ATG2B: variants seen among roughly 807,000 people sequenced by gnomAD.
The protein encoded by ATG2B is autophagy-related protein 2 homolog B.
A neutral mutation model predicts 241.3 loss-of-function variants in ATG2B; 121 were observed. The ratio of observed to expected loss-of-function variants is 0.50; its 90% CI spans 0.43 to 0.58. ATG2B has a LOEUF of 0.58. Ranked by LOEUF, ATG2B falls within the 20% of genes least tolerant of loss-of-function variation. ATG2B has a pLI of 0.00. For missense variants in ATG2B, 2,306 were observed against 2,491.6 expected (o/e 0.93, Z 1.59); for synonymous variants, 858 against 876.6 (o/e 0.98, Z 0.37).
chr14:96,289,720 C>G lies in ATG2B; in HGVS notation c.5942G>C (p.Arg1981Pro). 6.2e-7 allele frequency: 1 copy of G among 1,614,180 alleles called. No homozygotes were observed. The highest frequency in any genetic ancestry group is 8.5e-7 in the Non-Finnish European group (1 of 1,180,024). ...CAGGTCTACTGGCTGGTGGGCTAAC[C>G]GGTGATGAGGAAACCTTTTGGTCTT... ...PKKTKRFPHH[R>P]LAHQPVDLRE... The change falls in exon 41 of 42, where the codon CGG (arginine) becomes CCG (proline). Residue 1981 changes from arginine (R) to proline (P), a missense_variant. Around this residue, in one of 2 missense-constraint regions of ATG2B, gnomAD observed 379 missense variants for 480.4 expected, o/e 0.79. Coordinates refer to ENST00000359933, the MANE Select transcript of ATG2B (RefSeq NM_018036.7). This position sits in a 1 kb window ranked among gnomAD's most constrained non-coding sequence, Gnocchi z 4.3.
intron 41 of ATG2B, among the ~76,000 whole-genome samples, chr14:96,287,253 C>CAA (rs34710412): frequency 0.3 from 23,541 of 78,140 alleles, 5,481 homozygotes; most frequent in African/African-American, 0.63. Context: ...GACTCCGTCT[C>CAA]AAAAAAAAAA....
intron 19 of ATG2B, 25 bp downstream of exon 19, chr14:96,317,673 T>A: frequency 3.9e-6 from 6 of 1,542,660 alleles, no homozygotes; most frequent in Non-Finnish European, 5.3e-6. Flanking sequence ...GCATTTTAAA[T>A]CAAAACAAAT....
In ATG2B at chr14:96,303,054, C is replaced by G; in HGVS notation, c.5037+7G>C. 1 of 1,563,086 alleles carries G rather than the reference C, an allele frequency of 6.4e-7. No homozygotes were observed. The highest frequency in any genetic ancestry group is 8.7e-7 in the Non-Finnish European group (1 of 1,151,592). On this transcript the variant is annotated splice_region_variant and intron_variant, in intron 33 of 41. Coordinates refer to ENST00000359933, the MANE Select transcript of ATG2B (RefSeq NM_018036.7). ...TAACATAACACAACGATGAGGTTAACTCTTACCATGTTGGAGTGAGCTTTT... is the reference window on the plus strand; with the variant it reads ...TAACATAACACAACGATGAGGTTAAGTCTTACCATGTTGGAGTGAGCTTTT...
intron 14 of ATG2B, among the ~76,000 whole-genome samples, chr14:96,327,229 TCAATAA>T (rs1887609236): frequency 5.1e-5 from 1 of 19,650 alleles, no homozygotes; most frequent in African/African-American, 1.9e-4. Context: ...GATGTCTGTC[TCAATAA>T]TAATAATAAT....
intron 17 of ATG2B, 54 bp downstream of exon 17, chr14:96,322,486 C>A: frequency 6.5e-7 from 1 of 1,529,590 alleles, no homozygotes; most frequent in East Asian, 2.3e-5. Context: ...AAAAGCATTG[C>A]TCTATGACAG....
Position 96,358,643 on chromosome 14 carries a change from TG to T in ATG2B, c.162+4171del, listed in dbSNP as rs562338257. Among the ~76,000 whole-genome samples the T allele has an allele frequency of 1.5e-3, 228 of 152,308 alleles. 1 individual carries two copies. The highest frequency in any genetic ancestry group is 6.8e-3 in the Middle Eastern group (2 of 294). ...AAGGTACCTTGAAATTCAGTCATTC[TG>T]GGAAAATCCAAGGCTACTATAGTAT... On this transcript the variant is annotated intron_variant, in intron 1 of 41. Transcript: ENST00000359933.
Position 96,313,113 on chromosome 14 carries a change from A to T in ATG2B, c.3794T>A (p.Phe1265Tyr). Residue 1265 changes from phenylalanine to tyrosine, a missense_variant, in exon 25 of 42, where the codon TTC (phenylalanine) becomes TAC (tyrosine). Physicochemically the swap from Phe to Tyr is conservative, Grantham distance 22. Coordinates refer to ENST00000359933, the MANE Select transcript of ATG2B (RefSeq NM_018036.7). Reference sequence around the variant, plus strand: ...CAATGCAACGCTACTGGAAACACTGAATGTTTCCACGGTAAGAAGAGATCG... The same window carrying T: ...CAATGCAACGCTACTGGAAACACTGTATGTTTCCACGGTAAGAAGAGATCG... Reference protein sequence around the residue: ...PIRSLLTVETFSVSSSVALDK... With the variant: ...PIRSLLTVETYSVSSSVALDK... 6.2e-7 allele frequency: 1 copy of T among 1,613,774 alleles called. No homozygotes were observed.
At chr14:96,354,315 T>C (rs1446820993) in intron 1 of ATG2B, among the ~76,000 whole-genome samples, 1 of 152,200 alleles carries the variant, frequency 6.6e-6, no homozygotes, top group Non-Finnish European at 1.5e-5. Context: ...ACAGTGGGTG[T>C]TGTTCCCACC....
At chr14:96,315,761 A>G (rs1027233139) in intron 21 of ATG2B, among the ~76,000 whole-genome samples, 178 bp from the exon 22 acceptor site, 3 of 152,222 alleles carry the variant, frequency 2.0e-5, no homozygotes, top group Non-Finnish European at 2.9e-5. Flanking sequence ...TGTTAGTGTG[A>G]CTGACCGTAC....
At chr14:96,354,835 T>C (rs1206728677) in intron 1 of ATG2B, among the ~76,000 whole-genome samples, 2 of 152,234 alleles carry the variant, frequency 1.3e-5, no homozygotes, top group African/African-American at 4.8e-5. Context: ...ATAATAGCCA[T>C]TTTGAGTGGT....
intron 19 of ATG2B, 90 bp downstream of exon 19, chr14:96,317,608 A>C (rs1383122269): frequency 1.7e-6 from 2 of 1,147,146 alleles, no homozygotes; most frequent in East Asian, 4.9e-5. Context: ...AATGAAACAT[A>C]AAGATTTTTA....
At chr14:96,359,084 C>T (rs1461706491) in intron 1 of ATG2B, among the ~76,000 whole-genome samples, 1 of 152,024 alleles carries the variant, frequency 6.6e-6, no homozygotes, top group Non-Finnish European at 1.5e-5. Context: ...GTTAAAAGGC[C>T]TCAGTGGCCA....
Position 96,311,256 on chromosome 14 carries a change from C to T in ATG2B, c.4022G>A (p.Ser1341Asn), listed in dbSNP as rs1595304496. Residue 1341 changes from serine to asparagine, a missense_variant, in exon 28 of 42, where the codon AGC becomes AAC. By Grantham distance (46) the Ser-to-Asn change is conservative (BLOSUM62 1). Transcript: ENST00000359933. ...TEPRFELHCS[S>N]DVVHIRTCSD... is the part of the protein sequence containing the mutation. ...GCACGTTCTGATATGGACAACATCG[C>T]TGGAACAGTGTAACTCAAAGCGGGG... 1 of 1,613,850 alleles carries T rather than the reference C, an allele frequency of 6.2e-7. No individual in the cohort carries two copies. The highest frequency in any genetic ancestry group is 2.2e-5 in the East Asian group (1 of 44,868).
intron 28 of ATG2B, among the ~76,000 whole-genome samples, chr14:96,309,961 C>T (rs1388767283): frequency 1.3e-5 from 2 of 152,174 alleles, no homozygotes; most frequent in African/African-American, 2.4e-5. Context: ...ATCCCTTTGA[C>T]ATAAAGCCCC....
rs540055578 is a variant in ATG2B at position 96,303,394 on chromosome 14, TCAA to T, written c.4843-142_4843-140del. 4.7e-4 allele frequency: 281 copies of T among 600,936 alleles called. No homozygotes were observed. The African/African-American group carries it at 5.2e-3, about 11-fold the overall frequency. 37.2% of individuals were successfully genotyped at this position (600,936 alleles called of 1,614,324 possible). A position where few individuals can be genotyped will look rare whatever the true frequency, so the allele number is the denominator to read the frequency against. ...GCTTACAATTCCACCTTCAAAAAAC[TCAA>T]CAACATGACATTCCTTCACTTGTTC... On this transcript the variant is annotated intron_variant, in intron 32 of 41. Coordinates refer to ENST00000359933, the MANE Select transcript of ATG2B (RefSeq NM_018036.7).
At position 96,315,500 on chromosome 14, in the gene ATG2B, A is replaced by G; in HGVS notation, c.3445T>C (p.Ser1149Pro). 6.2e-7 allele frequency: 1 copy of G among 1,614,198 alleles called. No homozygotes were observed. The highest frequency in any genetic ancestry group is 8.5e-7 in the Non-Finnish European group (1 of 1,180,018). ...TTACTGAGGCCATCTTCTTCAGAGG[A>G]ATAAATAGTAGGTTCCAACCAGTGT... The part of the protein sequence containing the change: ...RPHWLEPTIY[S>P]SEEDGLSKTS... Residue 1149 changes from serine (S) to proline (P), a missense_variant, in exon 22 of 42, where the codon TCC becomes CCC. By Grantham distance (74) the Ser-to-Pro change is moderately conservative. Around this residue, in one of 2 missense-constraint regions of ATG2B, gnomAD observed 1,927 missense variants for 2,011.2 expected, o/e 0.96. Transcript: ENST00000359933.
intron 4 of ATG2B, among the ~76,000 whole-genome samples, 177 bp downstream of exon 4, chr14:96,344,477 C>T (rs1042576981): frequency 6.6e-6 from 1 of 152,144 alleles, no homozygotes; most frequent in African/African-American, 2.4e-5. Context: ...CTGGCACTTT[C>T]AAGTTTTCAA....
At chr14:96,297,660 G>C (rs1373069476) in intron 34 of ATG2B, among the ~76,000 whole-genome samples, 1 of 152,126 alleles carries the variant, frequency 6.6e-6, no homozygotes, top group African/African-American at 2.4e-5. Flanking sequence ...GCCTCCCAAA[G>C]TGCTGAGATT....
chr14:96,305,778 T>C lies in ATG2B; in HGVS notation c.4544A>G (p.Asp1515Gly). 1 of 1,614,200 alleles carries C rather than the reference T, an allele frequency of 6.2e-7. No homozygotes were observed. Among genetic ancestry groups the C allele is most frequent in the African/African-American group, 1.3e-5 (1 of 75,070 alleles). The change falls in exon 31 of 42, where the codon GAT (aspartate) becomes GGT (glycine). Residue 1515 changes from aspartate (D) to glycine (G), a missense_variant. Asp to Gly is a moderately conservative substitution (Grantham distance 94). Around this residue, in one of 2 missense-constraint regions of ATG2B, gnomAD observed 1,927 missense variants for 2,011.2 expected, o/e 0.96. Coordinates refer to ENST00000359933, the MANE Select transcript of ATG2B (RefSeq NM_018036.7). ...EEEPVIKIMV[D>G]DAIVIRDNYF... ...ATTGTCTCTTATCACAATTGCATCA[T>C]CAACCATGATTTTTATAACTGGTTC...
Sources: gnomAD v4.1 joint callset for allele counts (sites outside exome capture counted in the v4.1 genomes callset) on GRCh38, gnomAD v4.1.1 for gene constraint, gnomAD v4.1.1 regional missense constraint, Gnocchi (gnomAD v3.1) non-coding constraint, MANE v1.5 for transcripts, NCBI Gene and HGNC (gene_info 2026-07-23, HGNC 2026-07-21) for gene names.